The following DST variants were observed in gnomAD, a reference collection of about 807,000 sequenced individuals.
DST encodes dystonin, also known as bullous pemphigoid antigen.
A neutral mutation model predicts 875.2 loss-of-function variants in DST; 253 were observed. That is an observed-to-expected ratio of 0.29 (90% CI 0.26 to 0.32). The LOEUF (loss-of-function observed/expected upper bound fraction) is 0.32, where lower values mean the gene tolerates loss of function less well. DST is among the 10% of genes least tolerant of loss of function. DST has a pLI of 1.00. For missense variants in DST, 8,287 were observed against 9,111.6 expected (o/e 0.91, Z 3.68); for synonymous variants, 3,124 against 3,197.1 (o/e 0.98, Z 0.77).
In DST at chr6:56,529,601, C is replaced by G. The variant is rs2096860725; in HGVS notation, c.17442G>C (p.Glu5814Asp). Residue 5814 changes from glutamate (E) to aspartate (D), a missense_variant, in exon 66 of 104, where the codon GAG (glutamate) becomes GAC (aspartate). Coordinates refer to ENST00000680361, the MANE Select transcript of DST (RefSeq NM_001374736.1). ...EIQEKSHSRS[E>D]LLQQALCNAK... ...CATTACATAAGGCCTGCTGGAGGAG[C>G]TCAGACCTGCTGTGACTTTTCTCTT... 6.2e-7 allele frequency: 1 copy of G among 1,613,692 alleles called. No homozygotes were observed. The highest frequency in any genetic ancestry group is 1.3e-5 in the African/African-American group (1 of 74,900).
At chr6:56,550,655 C>T (rs527750565) in intron 61 of DST, among the ~76,000 whole-genome samples, 3 of 152,296 alleles carry the variant, frequency 2.0e-5, no homozygotes, top group African/African-American at 7.2e-5. Flanking sequence ...TAGTTAGAAA[C>T]AGCAAAGAGA....
At chr6:56,925,992 C>G (rs1289106629) in intron 2 of DST, among the ~76,000 whole-genome samples, 2 of 152,146 alleles carry the variant, frequency 1.3e-5, no homozygotes, top group Non-Finnish European at 2.9e-5. Context: ...GTCTTTCTGA[C>G]TTATTCTGAT....
In DST at chr6:56,485,454, T is replaced by C; in HGVS notation, c.21065A>G (p.Glu7022Gly). The change falls in exon 88 of 104, where the codon GAA becomes GGA. Residue 7022 changes from glutamate (E) to glycine (G), a missense_variant. By Grantham distance (98) the Glu-to-Gly change is moderately conservative. Around this residue, in one of 10 missense-constraint regions of DST, gnomAD observed 1,292 missense variants for 1,552.7 expected, o/e 0.83. Coordinates refer to ENST00000680361, the MANE Select transcript of DST (RefSeq NM_001374736.1). ...GAATTGTCCAGAAAATAACAGGGCT[T>C]CCTCCAATTTGTTTTGTCTAGGGAA... is the stretch of plus-strand genomic sequence containing the variant. ...KSVERQNKLE[E>G]ALLFSGQFTD... 1.2e-6 allele frequency: 2 copies of C among 1,613,696 alleles called. No individual in the cohort carries two copies. The highest frequency in any genetic ancestry group is 1.7e-6 in the Non-Finnish European group (2 of 1,179,716).
rs141573097 is a variant in DST at position 56,618,125 on chromosome 6, A to G, written c.4930-3641T>C. ...TCTTGTAATGGGGTTTGTCTCATCA[A>G]AAGTTATCTGTAACTCGGTGCTTGT... On this transcript the variant is annotated intron_variant, in intron 36 of 103. Transcript: ENST00000680361. The G allele has an allele frequency of 4.4e-3, 7,042 of 1,614,142 alleles. 36 individuals are homozygous for G. The highest frequency in any genetic ancestry group is 0.011 in the South Asian group (986 of 91,068).
At chr6:56,636,708 C>A in intron 22 of DST, 56 bp from the exon 23 acceptor site, 1 of 1,329,294 alleles carries the variant, frequency 7.5e-7, no homozygotes, top group Non-Finnish European at 1.1e-6. Context: ...GGCACACATA[C>A]CTTTTGATAT....
chr6:56,831,714 A>G (rs186958199), intron 4 of DST, among the ~76,000 whole-genome samples: 1 of 151,910 alleles, frequency 6.6e-6, no homozygotes, highest in Non-Finnish European at 1.5e-5. Flanking sequence ...TTGGAATTAA[A>G]CCACATGTTC....
chr6:56,901,131 G>A (rs971398669), intron 2 of DST, among the ~76,000 whole-genome samples: 1 of 152,168 alleles, frequency 6.6e-6, no homozygotes, highest in Non-Finnish European at 1.5e-5. Flanking sequence ...TGGAAGCAAC[G>A]AGGTGGCACA....
intron 4 of DST, among the ~76,000 whole-genome samples, chr6:56,770,836 A>G (rs1485520028): frequency 6.6e-6 from 1 of 152,084 alleles, no homozygotes; most frequent in East Asian, 1.9e-4. Flanking sequence ...CCCCGTCTCT[A>G]CTAAAAATCC....
intron 37 of DST, among the ~76,000 whole-genome samples, chr6:56,612,447 C>T (rs1482189154): frequency 6.6e-6 from 1 of 152,182 alleles, no homozygotes; most frequent in Non-Finnish European, 1.5e-5. Flanking sequence ...TCATCTGTGA[C>T]TGTCATCTGT....
intron 5 of DST, among the ~76,000 whole-genome samples, chr6:56,712,440 G>T (rs1328137753): frequency 6.6e-6 from 1 of 152,162 alleles, no homozygotes; most frequent in Non-Finnish European, 1.5e-5. Flanking sequence ...CACTTAACGT[G>T]TCTAAGGAGA....
At chr6:56,492,733 G>A (rs2095792316) in intron 84 of DST, among the ~76,000 whole-genome samples, 2 of 152,004 alleles carry the variant, frequency 1.3e-5, no homozygotes, top group Admixed American at 1.3e-4. Context: ...AGCCAGGCAT[G>A]CTGGTGGGCA....
At chr6:56,942,343 G>A (rs1273630387) in intron 2 of DST, among the ~76,000 whole-genome samples, 1 of 151,996 alleles carries the variant, frequency 6.6e-6, no homozygotes, top group South Asian at 2.1e-4. Context: ...TTAGATTTAG[G>A]TCTATTATTT....
chr6:56,529,575 G>C lies in DST; in HGVS notation c.17468C>G (p.Ala5823Gly). Residue 5823 changes from alanine to glycine, a missense_variant, in exon 66 of 104, where the codon GCT (alanine) becomes GGT (glycine). Ala to Gly is a moderately conservative substitution (Grantham distance 60, BLOSUM62 0). Around this residue, in one of 10 missense-constraint regions of DST, gnomAD observed 777 missense variants for 764.8 expected, o/e 1.02. Transcript: ENST00000680361. ...AACTTCATCTTCCCCAAAAATCTTA[G>C]CATTACATAAGGCCTGCTGGAGGAG... ...SELLQQALCN[A>G]KIFGEDEVEL... is the part of the protein sequence containing the mutation. The C allele has an allele frequency of 6.2e-7, 1 of 1,613,752 alleles. No individual in the cohort carries two copies. Among genetic ancestry groups the C allele is most frequent in the Non-Finnish European group, 8.5e-7 (1 of 1,179,776 alleles).
In DST at chr6:56,532,490, A is replaced by G; in HGVS notation, c.16962T>C (p.Asp5654=). Residue 5654 remains aspartate (D), a synonymous_variant, in exon 64 of 104, where the codon GAT becomes GAC. Coordinates refer to ENST00000680361, the MANE Select transcript of DST (RefSeq NM_001374736.1). ...QEQKLLQRLL[D]DRKSTVEVIK... ...TTACCTCCACCGTAGATTTTCGGTC[A>G]TCCAACAATCTCTGGAGAAGCTTGA... 1 of 1,602,380 alleles carries G rather than the reference A, an allele frequency of 6.2e-7. No individual in the cohort carries two copies. Among genetic ancestry groups the G allele is most frequent in the South Asian group, 1.1e-5 (1 of 88,834 alleles).
chr6:56,629,612 T>A (rs542260243), intron 31 of DST, among the ~76,000 whole-genome samples, 169 bp from the exon 32 acceptor site: 181 of 152,312 alleles, frequency 1.2e-3, no homozygotes, highest in African/African-American at 4.1e-3. Flanking sequence ...CTTATGAAAT[T>A]TTCAATATTT....
At chr6:56,756,678 T>C (rs1254882995) in intron 4 of DST, among the ~76,000 whole-genome samples, 3 of 152,344 alleles carry the variant, frequency 2.0e-5, no homozygotes, top group Non-Finnish European at 4.4e-5. Flanking sequence ...CAAGCATTTT[T>C]ATCTAAGACA....
chr6:56,541,815 A>G (rs1382020572), intron 61 of DST, among the ~76,000 whole-genome samples: 4 of 152,178 alleles, frequency 2.6e-5, no homozygotes, highest in African/African-American at 7.2e-5. Context: ...AAAGTGCATC[A>G]ATAACAGAGA....
chr6:56,702,329 T>C (rs571216539), intron 7 of DST, among the ~76,000 whole-genome samples: 37 of 152,106 alleles, frequency 2.4e-4, no homozygotes, highest in Non-Finnish European at 1.8e-4. Flanking sequence ...TCATTCATCA[T>C]TTTACCTTCT....
chr6:56,880,579 TG>T (rs1271856762), intron 3 of DST, among the ~76,000 whole-genome samples: 9 of 151,388 alleles, frequency 5.9e-5, no homozygotes, highest in African/African-American at 1.9e-4. Context: ...CCCAGCTACT[TG>T]GGAGCCTGAG....
Sources: allele counts gnomAD v4.1 joint callset (sites outside exome capture counted in the v4.1 genomes callset), GRCh38; gene constraint gnomAD v4.1.1; regional missense constraint gnomAD v4.1.1; transcripts MANE v1.5; gene names NCBI Gene and HGNC (gene_info 2026-07-23, HGNC 2026-07-21).